SLC25A13: variants seen among roughly 807,000 people sequenced by gnomAD.
SLC25A13 encodes solute carrier family 25 member 13.
A neutral mutation model predicts 85.5 loss-of-function variants in SLC25A13; 70 were observed. The ratio of observed to expected loss-of-function variants is 0.82; its 90% CI spans 0.68 to 1.00. SLC25A13 has a LOEUF of 1.00. Among genes scored for constraint, SLC25A13 ranks in the 50% least tolerant of loss-of-function variants. The probability of loss-of-function intolerance (pLI) is 0.00; values close to 1 mark genes in which losing one functional copy is unlikely to be tolerated. For missense variants in SLC25A13, 765 were observed against 819.8 expected (o/e 0.93, Z 0.82); for synonymous variants, 259 against 288.7 (o/e 0.90, Z 1.04).
chr7:96,302,042 C>A (rs2117006202), intron 1 of SLC25A13, among the ~76,000 whole-genome samples: 1 of 152,232 alleles, frequency 6.6e-6, no homozygotes, highest in African/African-American at 2.4e-5. Flanking sequence ...TTCAATGAGT[C>A]TATGCTCCAC....
At chr7:96,284,656 G>A (rs1798816403) in intron 2 of SLC25A13, among the ~76,000 whole-genome samples, 1 of 152,196 alleles carries the variant, frequency 6.6e-6, no homozygotes, top group African/African-American at 2.4e-5. Flanking sequence ...GGCGGGGCCA[G>A]GTGGAGATAA....
intron 13 of SLC25A13, among the ~76,000 whole-genome samples, chr7:96,152,845 C>A (rs1012804645): frequency 2.6e-5 from 4 of 152,158 alleles, no homozygotes; most frequent in Admixed American, 2.0e-4. Flanking sequence ...ACAATGTCTA[C>A]TGACACAGGG....
intron 13 of SLC25A13, among the ~76,000 whole-genome samples, chr7:96,148,622 G>T (rs1187325310): frequency 6.6e-6 from 1 of 152,178 alleles, no homozygotes; most frequent in East Asian, 1.9e-4. Flanking sequence ...TTGTTTTATG[G>T]GGGTAGAATT....
chr7:96,254,065 C>CA (rs528307427), intron 3 of SLC25A13, among the ~76,000 whole-genome samples: 68 of 152,256 alleles, frequency 4.5e-4, no homozygotes, highest in Admixed American at 3.9e-3. Context: ...TCCCTGGAGA[C>CA]AAACATTATA....
intron 2 of SLC25A13, among the ~76,000 whole-genome samples, chr7:96,281,092 G>A (rs4620202): frequency 0.66 from 100,563 of 152,014 alleles, 33,546 homozygotes; most frequent in Non-Finnish European, 0.67. Flanking sequence ...ACACAGCAAT[G>A]AGAAAAAACT....
At chr7:96,160,383 T>G (rs1793459681) in intron 13 of SLC25A13, among the ~76,000 whole-genome samples, 1 of 152,224 alleles carries the variant, frequency 6.6e-6, no homozygotes, top group Non-Finnish European at 1.5e-5. Context: ...AGGGAGGCTA[T>G]CCTTAACTGT....
intron 4 of SLC25A13, among the ~76,000 whole-genome samples, chr7:96,229,296 T>C (rs1025252638): frequency 5.3e-5 from 8 of 152,232 alleles, no homozygotes; most frequent in African/African-American, 1.4e-4. Flanking sequence ...AGCTAGAGGA[T>C]TGTAAATGCA....
intron 11 of SLC25A13, among the ~76,000 whole-genome samples, chr7:96,177,807 G>A (rs756118022): frequency 1.3e-5 from 2 of 152,116 alleles, no homozygotes; most frequent in African/African-American, 2.4e-5. Context: ...ACTTCTGAGC[G>A]ACTATGTAGT....
intron 1 of SLC25A13, among the ~76,000 whole-genome samples, chr7:96,312,011 T>A (rs1799969531): frequency 6.6e-6 from 1 of 152,098 alleles, no homozygotes; most frequent in African/African-American, 2.4e-5. Flanking sequence ...AGTACTAAAT[T>A]AAAAGTATTG....
At chr7:96,253,868 G>T (rs1797526086) in intron 3 of SLC25A13, among the ~76,000 whole-genome samples, 1 of 152,158 alleles carries the variant, frequency 6.6e-6, no homozygotes. Flanking sequence ...AACTTTAACA[G>T]ATATTGGAAT....
chr7:96,291,860 C>A (rs1180806637), intron 2 of SLC25A13, among the ~76,000 whole-genome samples: 9 of 152,200 alleles, frequency 5.9e-5, no homozygotes, highest in Non-Finnish European at 1.0e-4. Flanking sequence ...CAAGGAGGAG[C>A]TGCTACCATT....
chr7:96,155,873 G>A (rs758375876), intron 13 of SLC25A13, among the ~76,000 whole-genome samples: 1 of 152,144 alleles, frequency 6.6e-6, no homozygotes, highest in Non-Finnish European at 1.5e-5. Context: ...TTCTAGAGAT[G>A]AGATGGAGGC....
intron 4 of SLC25A13, among the ~76,000 whole-genome samples, chr7:96,225,217 A>G (rs1157343613): frequency 6.6e-6 from 1 of 152,006 alleles, no homozygotes; most frequent in African/African-American, 2.4e-5. Context: ...CCTCTCACCC[A>G]TGGCCAATCG....
chr7:96,307,679 G>A (rs1173268506), intron 1 of SLC25A13, among the ~76,000 whole-genome samples: 3 of 151,924 alleles, frequency 2.0e-5, no homozygotes, highest in African/African-American at 7.3e-5. Flanking sequence ...GGGAGATGAG[G>A]GTTAATTATA....
chr7:96,201,224 G>A (rs1363632864), intron 5 of SLC25A13, among the ~76,000 whole-genome samples: 1 of 152,062 alleles, frequency 6.6e-6, no homozygotes, highest in Non-Finnish European at 1.5e-5. Context: ...AAAATTCATG[G>A]TCGGGCTGGG....
At chr7:96,192,270 G>A (rs1047124623) in intron 6 of SLC25A13, among the ~76,000 whole-genome samples, 4 of 151,982 alleles carry the variant, frequency 2.6e-5, no homozygotes, top group Non-Finnish European at 4.4e-5. Context: ...ATTCTCCCTG[G>A]GATTAACAAA....
intron 13 of SLC25A13, among the ~76,000 whole-genome samples, chr7:96,168,724 G>A (rs529162616): frequency 1.1e-4 from 17 of 152,108 alleles, no homozygotes; most frequent in African/African-American, 3.9e-4. Flanking sequence ...TTTTCAGAAA[G>A]TTTAAAATGT....
At chr7:96,214,962 A>G (rs1795833324) in intron 4 of SLC25A13, among the ~76,000 whole-genome samples, 1 of 152,182 alleles carries the variant, frequency 6.6e-6, no homozygotes, top group African/African-American at 2.4e-5. Context: ...GTTAATTTTA[A>G]AATGGCAATA....
chr7:96,267,749 G>A (rs140608949), intron 3 of SLC25A13, among the ~76,000 whole-genome samples: 219 of 149,308 alleles, frequency 1.5e-3, no homozygotes, highest in Non-Finnish European at 2.4e-3. Flanking sequence ...AGTAAGGGAG[G>A]TTGCAGTGAG....
Sources: gnomAD v4.1 joint callset for allele counts (sites outside exome capture counted in the v4.1 genomes callset) on GRCh38, gnomAD v4.1.1 for gene constraint, MANE v1.5 for transcripts, NCBI Gene and HGNC (gene_info 2026-07-23, HGNC 2026-07-21) for gene names.